The following RAB38 variants were observed in gnomAD, a reference collection of about 807,000 sequenced individuals.
RAB38 encodes the protein ras-related protein Rab-38.
Under a neutral mutation model 18.4 loss-of-function variants are expected in RAB38, and 15 were observed. The observed-to-expected ratio is 0.82, with a 90% CI of 0.55 to 1.26. The LOEUF (loss-of-function observed/expected upper bound fraction) is 1.26. Ranked by LOEUF, RAB38 falls within the 50% of genes most tolerant of loss-of-function variation. The pLI, the probability that RAB38 is intolerant of heterozygous loss-of-function variation, is 0.00. For missense variants in RAB38, 294 were observed against 267.4 expected (o/e 1.10, Z -0.69); for synonymous variants, 101 against 104.4 (o/e 0.97, Z 0.20).
chr11:87,899,588 A>G, the RAB38 span, among the ~76,000 whole-genome samples: 2,406 of 151,642 alleles, frequency 0.016, 53 homozygotes, highest in African/African-American at 0.054. Flanking sequence ...TTTCTAGACA[A>G]AAAGAATCAG....
At chr11:87,809,650 T>A in the RAB38 span, among the ~76,000 whole-genome samples, 1 of 151,632 alleles carries the variant, frequency 6.6e-6, no homozygotes, top group Admixed American at 6.6e-5. Flanking sequence ...TTTAAAAGAA[T>A]AATCAGAGGA....
At chr11:87,865,211 G>A in the RAB38 span, among the ~76,000 whole-genome samples, 1 of 151,606 alleles carries the variant, frequency 6.6e-6, no homozygotes. Context: ...CTCATGCCTG[G>A]AACCTGTGAA....
In RAB38 at chr11:88,113,663, CTTTTA is replaced by C. The variant is rs754579094; in HGVS notation, c.*320_*324del. ...TTGACAGCTAGTTTGTTCTTCTCCC[CTTTTA>C]TTTTAAGACTTGAGGCCTTTGCTGA... On this transcript the variant is annotated 3_prime_UTR_variant, in exon 3 of 3. Coordinates refer to ENST00000243662, the MANE Select transcript of RAB38 (RefSeq NM_022337.3). The C allele has an allele frequency of 9.0e-6, 2 of 221,066 alleles. No individual in the cohort carries two copies. Among genetic ancestry groups the C allele is most frequent in the South Asian group, 1.1e-4 (1 of 9,460 alleles). The allele number at this position is 221,066 out of a possible 1,614,324, so 13.7% of individuals were successfully genotyped here.
chr11:88,018,375 C>T, the RAB38 span, among the ~76,000 whole-genome samples: 2 of 152,212 alleles, frequency 1.3e-5, no homozygotes, highest in African/African-American at 2.4e-5. Flanking sequence ...ACTGAATTCC[C>T]CCCACTACCA....
the RAB38 span, among the ~76,000 whole-genome samples, chr11:87,933,188 A>C: frequency 2.6e-4 from 39 of 152,258 alleles, no homozygotes; most frequent in African/African-American, 8.7e-4. Context: ...CAGAGATATG[A>C]AAAGAAATTA....
chr11:87,897,439 C>T, the RAB38 span, among the ~76,000 whole-genome samples: 5 of 151,524 alleles, frequency 3.3e-5, no homozygotes, highest in Non-Finnish European at 7.4e-5. Flanking sequence ...GGGAAATACC[C>T]TATTTCCCAG....
At position 88,175,237 on chromosome 11, in the gene RAB38, C is replaced by A; in HGVS notation, c.148G>T (p.Val50Leu). Reference sequence around the variant, plus strand: ...ACAGTCTCCGGGTCCCAGTGGAGCACCTTGAGCGCGAAGTCCACGCCGATT... The same window carrying A: ...ACAGTCTCCGGGTCCCAGTGGAGCAACTTGAGCGCGAAGTCCACGCCGATT... Reference protein sequence around the residue: ...ATIGVDFALKVLHWDPETVVR... With the variant: ...ATIGVDFALKLLHWDPETVVR... The change falls in exon 1 of 3, where the codon GTG becomes TTG. Residue 50 changes from valine (V) to leucine (L), a missense_variant. Coordinates refer to ENST00000243662, the MANE Select transcript of RAB38 (RefSeq NM_022337.3). 6.2e-7 allele frequency: 1 copy of A among 1,614,088 alleles called. No individual in the cohort carries two copies. The highest frequency in any genetic ancestry group is 8.5e-7 in the Non-Finnish European group (1 of 1,180,006).
the RAB38 span, among the ~76,000 whole-genome samples, chr11:87,951,524 G>A: frequency 1.3e-5 from 2 of 151,852 alleles, no homozygotes; most frequent in East Asian, 1.9e-4. Context: ...CCATCTTTGT[G>A]GTTTTATCCA....
At chr11:88,015,061 T>C in the RAB38 span, among the ~76,000 whole-genome samples, 2 of 152,132 alleles carry the variant, frequency 1.3e-5, no homozygotes, top group African/African-American at 4.8e-5. Flanking sequence ...TATTTTTTTT[T>C]TTTTACAAAT....
the RAB38 span, among the ~76,000 whole-genome samples, chr11:87,901,160 G>A: frequency 2.0e-5 from 3 of 151,370 alleles, no homozygotes; most frequent in East Asian, 3.9e-4. Flanking sequence ...CCTGGTGTAT[G>A]CCTCCTTTAT....
the RAB38 span, among the ~76,000 whole-genome samples, chr11:87,951,280 G>T: frequency 6.6e-6 from 1 of 151,560 alleles, no homozygotes. Flanking sequence ...TATTCTAGTT[G>T]TTATCCATTC....
At chr11:88,150,946 TA>T (rs1166624514) in intron 1 of RAB38, among the ~76,000 whole-genome samples, 5 of 152,166 alleles carry the variant, frequency 3.3e-5, no homozygotes, top group Non-Finnish European at 7.4e-5. Flanking sequence ...AATGTAACAG[TA>T]AACTAGATAG....
chr11:87,929,408 A>G, the RAB38 span, among the ~76,000 whole-genome samples: 2 of 151,930 alleles, frequency 1.3e-5, no homozygotes, highest in Non-Finnish European at 2.9e-5. Flanking sequence ...ATTCTTATTA[A>G]AGGTTTCACC....
chr11:88,029,033 G>A, the RAB38 span, among the ~76,000 whole-genome samples: 106 of 152,144 alleles, frequency 7.0e-4, 1 homozygote, highest in Middle Eastern at 6.8e-3. Context: ...CGGATCTCTC[G>A]GCAGAAACTC....
At chr11:87,933,279 G>T in the RAB38 span, among the ~76,000 whole-genome samples, 4 of 152,074 alleles carry the variant, frequency 2.6e-5, no homozygotes, top group Non-Finnish European at 4.4e-5. Flanking sequence ...TGTTTCCCCA[G>T]ATCCATTCCT....
the RAB38 span, among the ~76,000 whole-genome samples, chr11:88,033,136 C>G: frequency 4.6e-5 from 7 of 151,772 alleles, no homozygotes; most frequent in African/African-American, 1.5e-4. Flanking sequence ...AACAAAAAAC[C>G]AAACACCGCA....
intron 2 of RAB38, among the ~76,000 whole-genome samples, chr11:88,147,086 T>C (rs571767405): frequency 1.3e-5 from 2 of 152,312 alleles, no homozygotes; most frequent in African/African-American, 4.8e-5. Flanking sequence ...CCACGGGTAA[T>C]TTCAAGCTTC....
the RAB38 span, among the ~76,000 whole-genome samples, chr11:87,892,145 C>G: frequency 6.6e-6 from 1 of 151,738 alleles, no homozygotes; most frequent in Non-Finnish European, 1.5e-5. Context: ...TCTGACAGCC[C>G]TATTAGCCCA....
chr11:87,817,787 C>T, the RAB38 span, among the ~76,000 whole-genome samples: 1 of 152,136 alleles, frequency 6.6e-6, no homozygotes, highest in South Asian at 2.1e-4. Context: ...GTGATAATCA[C>T]AGTGTTTCAT....
Sources: gnomAD v4.1 joint callset for allele counts (sites outside exome capture counted in the v4.1 genomes callset) on GRCh38, gnomAD v4.1.1 for gene constraint, MANE v1.5 for transcripts, NCBI Gene and HGNC (gene_info 2026-07-23, HGNC 2026-07-21) for gene names.